Variants in FBXO34 observed in about 807,000 individuals in gnomAD.
FBXO34 encodes F-box only protein 34.
In FBXO34, 12 loss-of-function variants were observed where a neutral mutation model predicts 24.5. The observed-to-expected ratio is 0.49, with a 90% confidence interval of 0.31 to 0.79. The LOEUF (loss-of-function observed/expected upper bound fraction) is 0.79, where lower values mean the gene tolerates loss of function less well. FBXO34 is among the 30% of genes least tolerant of loss of function. The pLI, the probability that FBXO34 is intolerant of heterozygous loss-of-function variation, is 0.04. For synonymous variants in FBXO34, 320 were observed against 311.9 expected (o/e 1.03, Z -0.27); for missense variants, 823 against 857.7 (o/e 0.96, Z 0.51).
At chr14:55,435,079 G>A in the FBXO34 span, among the ~76,000 whole-genome samples, 434 of 149,022 alleles carry the variant, frequency 2.9e-3, 3 homozygotes, top group African/African-American at 0.01. Flanking sequence ...TGAGGAGGAC[G>A]AAAAAAAAAA....
rs544551830 is a variant in FBXO34 at position 55,337,560 on chromosome 14, T to C, written c.-10-12821T>C. On this transcript the variant is annotated intron_variant, in intron 1 of 1. Transcript: ENST00000313833. The stretch of plus-strand genomic sequence containing the variant: ...ATGGCTGCTTTTATTGCTAAGTTGA[T>C]TTCAATACATTAGAAAATTACAGAT... 1.8e-4 allele frequency among the ~76,000 whole-genome samples: 28 copies of C among 152,352 alleles called. No individual in the cohort carries two copies. In the East Asian group the frequency reaches 4.4e-3, roughly 24 times the overall value.
chr14:55,340,340 G>T (rs1302745919), intron 1 of FBXO34, among the ~76,000 whole-genome samples: 2 of 151,974 alleles, frequency 1.3e-5, no homozygotes, highest in Non-Finnish European at 2.9e-5. Context: ...TAACTCCTGG[G>T]CTCAGGCAAT....
chr14:55,405,785 C>T, the FBXO34 span, among the ~76,000 whole-genome samples: 2 of 151,542 alleles, frequency 1.3e-5, no homozygotes, highest in Admixed American at 1.3e-4. Context: ...TAATATCATT[C>T]TTCTTCTTCA....
chr14:55,318,423 CT>C (rs35433368), intron 1 of FBXO34, among the ~76,000 whole-genome samples: 1,428 of 12,906 alleles, frequency 0.11, 400 homozygotes, highest in African/African-American at 0.42. Context: ...CAGTCAGTAA[CT>C]TTTTTTTTTT....
Position 55,350,971 on chromosome 14 carries a change from A to G in FBXO34, c.581A>G (p.Asp194Gly). The change falls in exon 2 of 2, where the codon GAC becomes GGC. Residue 194 changes from aspartate (D) to glycine (G), a missense_variant. This residue lies in a region of FBXO34 where 693 missense variants were observed against 659.1 expected (regional missense o/e 1.05). Coordinates refer to ENST00000313833, the MANE Select transcript of FBXO34 (RefSeq NM_017943.4). Reference sequence around the variant, plus strand: ...CACTGTTCTGTGCACTATGTGAGTGACAGTGGGGATGGAGTCTATGCTGGG... The same window carrying G: ...CACTGTTCTGTGCACTATGTGAGTGGCAGTGGGGATGGAGTCTATGCTGGG... The part of the protein sequence containing the change: ...IEHCSVHYVS[D>G]SGDGVYAGRP... 1 of 1,614,166 alleles carries G rather than the reference A, an allele frequency of 6.2e-7. No individual in the cohort carries two copies. Among genetic ancestry groups the G allele is most frequent in the Non-Finnish European group, 8.5e-7 (1 of 1,180,026 alleles).
At chr14:55,356,764 G>GT (rs1341387784), downstream of FBXO34, among the ~76,000 whole-genome samples, 11 of 151,858 alleles carry the variant, frequency 7.2e-5, no homozygotes, top group Admixed American at 2.6e-4. Context: ...GGCTGTTTCT[G>GT]TTTTTTTGAG....
chr14:55,292,968 C>T (rs745621016), intron 1 of FBXO34, among the ~76,000 whole-genome samples: 15 of 152,114 alleles, frequency 9.9e-5, no homozygotes, highest in South Asian at 2.1e-4. Flanking sequence ...CTGCAGCCTC[C>T]ATCTCCCAGG....
At chr14:55,274,928 C>G (rs1881284521) in intron 1 of FBXO34, among the ~76,000 whole-genome samples, 1 of 152,112 alleles carries the variant, frequency 6.6e-6, no homozygotes, top group African/African-American at 2.4e-5. Context: ...GTGACAAAGG[C>G]AAAATTCAGC....
the FBXO34 span, among the ~76,000 whole-genome samples, chr14:55,405,055 G>T: frequency 2.0e-5 from 3 of 152,140 alleles, no homozygotes; most frequent in Non-Finnish European, 4.4e-5. Context: ...ATTTTCTGGT[G>T]GAAATACCAT....
At chr14:55,423,106 A>G in the FBXO34 span, among the ~76,000 whole-genome samples, 95 of 152,334 alleles carry the variant, frequency 6.2e-4, no homozygotes, top group African/African-American at 2.2e-3. Flanking sequence ...TCATGTACAT[A>G]TTATTTACAA....
chr14:55,316,737 A>G (rs1044340424), intron 1 of FBXO34, among the ~76,000 whole-genome samples: 4 of 151,236 alleles, frequency 2.6e-5, no homozygotes, highest in Non-Finnish European at 5.9e-5. Context: ...AAAAAAAAAA[A>G]GCCATAAAAG....
At chr14:55,417,946 T>C in the FBXO34 span, among the ~76,000 whole-genome samples, 1 of 152,226 alleles carries the variant, frequency 6.6e-6, no homozygotes, top group South Asian at 2.1e-4. Flanking sequence ...ATAAATTACT[T>C]AACCACTTTC....
At chr14:55,288,811 G>T (rs1470191546) in intron 1 of FBXO34, among the ~76,000 whole-genome samples, 1 of 152,230 alleles carries the variant, frequency 6.6e-6, no homozygotes, top group Non-Finnish European at 1.5e-5. Context: ...AGCACTTTGG[G>T]AGGCTCAGGT....
At chr14:55,381,856 A>G in the FBXO34 span, 2 of 895,738 alleles carry the variant, frequency 2.2e-6, no homozygotes, top group Non-Finnish European at 3.5e-6. Flanking sequence ...CTGTGAATGT[A>G]CTAAATGCCC....
chr14:55,287,213 C>T (rs117258538), intron 1 of FBXO34, among the ~76,000 whole-genome samples: 3,748 of 152,230 alleles, frequency 0.025, 63 homozygotes, highest in Middle Eastern at 0.048. Context: ...GTATCATTTA[C>T]ATCTTATACA....
intron 1 of FBXO34, among the ~76,000 whole-genome samples, chr14:55,337,948 T>G (rs1049432340): frequency 2.0e-5 from 3 of 152,122 alleles, no homozygotes; most frequent in African/African-American, 7.2e-5. Flanking sequence ...CGCACACATA[T>G]TGAGCTCTAT....
the FBXO34 span, among the ~76,000 whole-genome samples, chr14:55,390,587 G>A: frequency 1.3e-5 from 2 of 151,602 alleles, no homozygotes; most frequent in Non-Finnish European, 2.9e-5. Flanking sequence ...TAGTCAGGAT[G>A]GTCTCGATCT....
chr14:55,285,784 G>A (rs1881741693), intron 1 of FBXO34, among the ~76,000 whole-genome samples: 1 of 152,168 alleles, frequency 6.6e-6, no homozygotes, highest in Non-Finnish European at 1.5e-5. Flanking sequence ...TTGTTGAACT[G>A]AACACTTGTT....
At chr14:55,319,896 T>G (rs2140019921) in intron 1 of FBXO34, among the ~76,000 whole-genome samples, 1 of 152,228 alleles carries the variant, frequency 6.6e-6, no homozygotes, top group African/African-American at 2.4e-5. Context: ...AGGATGGTCT[T>G]GATCTGACCT....
Sources: gnomAD v4.1 joint callset for allele counts (sites outside exome capture counted in the v4.1 genomes callset) on GRCh38, gnomAD v4.1.1 for gene constraint, gnomAD v4.1.1 regional missense constraint, MANE v1.5 for transcripts, NCBI Gene and HGNC (gene_info 2026-07-23, HGNC 2026-07-21) for gene names.